HIP1: variants seen among roughly 807,000 people sequenced by gnomAD.
The protein encoded by HIP1 is huntingtin-interacting protein 1.
HIP1 carries 65 observed loss-of-function variants against 147.6 expected under a neutral mutation model. The observed-to-expected ratio is 0.44, with a 90% CI of 0.36 to 0.54. HIP1 has a LOEUF of 0.54. HIP1 is among the 20% of genes least tolerant of loss of function. The pLI, the probability that HIP1 is intolerant of heterozygous loss-of-function variation, is 0.00. For synonymous variants in HIP1, 479 were observed against 504.0 expected (o/e 0.95, Z 0.67); for missense variants, 1,061 against 1,299.6 (o/e 0.82, Z 2.82).
chr7:75,633,131 T>C (rs1798289354), intron 1 of HIP1, among the ~76,000 whole-genome samples: 1 of 152,046 alleles, frequency 6.6e-6, no homozygotes, highest in African/African-American at 2.4e-5. Flanking sequence ...GACCTGCACA[T>C]GTACCCCTGA....
chr7:75,719,428 C>T (rs186019075), intron 1 of HIP1, among the ~76,000 whole-genome samples: 30 of 150,884 alleles, frequency 2.0e-4, no homozygotes, highest in African/African-American at 6.8e-4. Flanking sequence ...GGCGGGAACC[C>T]GGAAGGTGGA....
At chr7:75,621,565 G>T (rs1584891028) in intron 1 of HIP1, among the ~76,000 whole-genome samples, 1 of 152,146 alleles carries the variant, frequency 6.6e-6, no homozygotes, top group Non-Finnish European at 1.5e-5. Flanking sequence ...TCCCTGGAAG[G>T]TTTTGAGCAA....
At chr7:75,611,050 T>C (rs1485017182) in intron 1 of HIP1, among the ~76,000 whole-genome samples, 4 of 149,516 alleles carry the variant, frequency 2.7e-5, no homozygotes, top group East Asian at 2.0e-4. Context: ...GGATTACAGG[T>C]GCCCGCCACC....
At chr7:75,697,888 C>G (rs958256100) in intron 1 of HIP1, among the ~76,000 whole-genome samples, 2 of 152,164 alleles carry the variant, frequency 1.3e-5, no homozygotes, top group African/African-American at 4.8e-5. Context: ...CTAAGTTATT[C>G]TAGGAAGAGC....
chr7:75,664,470 A>G (rs1799487787), intron 1 of HIP1, among the ~76,000 whole-genome samples: 1 of 109,716 alleles, frequency 9.1e-6, no homozygotes, highest in African/African-American at 4.3e-5. Flanking sequence ...GTGTGTGTGT[A>G]TACGTATACA....
intron 1 of HIP1, among the ~76,000 whole-genome samples, chr7:75,706,635 T>C (rs1801013459): frequency 7.1e-6 from 1 of 140,736 alleles, no homozygotes; most frequent in Admixed American, 6.9e-5. Flanking sequence ...TTTTTTTTTT[T>C]TTTTTTTTTA....
At chr7:75,558,636 G>C (rs1554493918) in intron 14 of HIP1, among the ~76,000 whole-genome samples, 1 of 152,156 alleles carries the variant, frequency 6.6e-6, no homozygotes, top group East Asian at 1.9e-4. Context: ...CTTTGATTTA[G>C]GAATGCATAT....
chr7:75,559,483 G>A (rs587775237), intron 14 of HIP1, among the ~76,000 whole-genome samples: 258 of 152,212 alleles, frequency 1.7e-3, no homozygotes, highest in Non-Finnish European at 3.0e-3. Context: ...CACTGCCCAG[G>A]GCAAGCACTT....
intron 5 of HIP1, 103 bp downstream of exon 5, chr7:75,586,650 G>T (rs1796296306): frequency 2.7e-6 from 2 of 749,572 alleles, no homozygotes; most frequent in Non-Finnish European, 2.4e-6. Flanking sequence ...AGAAGCCTGG[G>T]CTGTCTATTA....
At chr7:75,675,822 A>C (rs1232139856) in intron 1 of HIP1, among the ~76,000 whole-genome samples, 2 of 152,130 alleles carry the variant, frequency 1.3e-5, no homozygotes, top group South Asian at 4.1e-4. Context: ...CTACAAAAAA[A>C]TTTTAAAAAT....
chr7:75,539,500 T>C, intron 29 of HIP1, 69 bp from the exon 30 acceptor site: 1 of 1,280,736 alleles, frequency 7.8e-7, no homozygotes, highest in Non-Finnish European at 1.1e-6. Context: ...TTTATTTTTT[T>C]ATAGAGATGG....
intron 5 of HIP1, among the ~76,000 whole-genome samples, chr7:75,584,350 T>C (rs1731087524): frequency 6.6e-6 from 1 of 152,280 alleles, no homozygotes; most frequent in African/African-American, 2.4e-5. Flanking sequence ...AATGCTGGGA[T>C]TGCAGGTGTG....
In HIP1 at chr7:75,583,832, T is replaced by C. The variant is rs587621163; in HGVS notation, c.466-1681A>G. ...TAGTAGAGATGGGGTTTCGCCACAT[T>C]GGCCAGGCTGGTCTTGAACTCCTGA... On this transcript the variant is annotated intron_variant, in intron 5 of 30. Coordinates refer to ENST00000336926, the MANE Select transcript of HIP1 (RefSeq NM_005338.7). Among the ~76,000 whole-genome samples, 3 of 149,320 alleles carry C rather than the reference T, an allele frequency of 2.0e-5. No individual in the cohort carries two copies. In the Admixed American group the frequency reaches 2.0e-4, roughly 10 times the overall value.
At chr7:75,732,519 A>G (rs1801870078) in intron 1 of HIP1, among the ~76,000 whole-genome samples, 1 of 152,068 alleles carries the variant, frequency 6.6e-6, no homozygotes, top group African/African-American at 2.4e-5. Flanking sequence ...TACAGGCAGC[A>G]CCACCATGCC....
chr7:75,557,001 G>A (rs1276426474), intron 16 of HIP1, among the ~76,000 whole-genome samples, 190 bp from the exon 17 acceptor site: 1 of 146,262 alleles, frequency 6.8e-6, no homozygotes, highest in Non-Finnish European at 1.5e-5. Context: ...AATGTGGAAT[G>A]TCAAGGAAGG....
chr7:75,622,601 G>A (rs1005004639), intron 1 of HIP1, among the ~76,000 whole-genome samples: 6 of 152,052 alleles, frequency 3.9e-5, no homozygotes, highest in Admixed American at 6.6e-5. Flanking sequence ...GGATAGGAGG[G>A]AATCAGTGAT....
chr7:75,732,952 T>C (rs925665188), intron 1 of HIP1, among the ~76,000 whole-genome samples: 8 of 152,172 alleles, frequency 5.3e-5, no homozygotes, highest in African/African-American at 1.9e-4. Context: ...TCTGCCTCCC[T>C]GCTGACTCAC....
intron 1 of HIP1, among the ~76,000 whole-genome samples, chr7:75,720,643 G>A (rs576362363): frequency 7.2e-5 from 11 of 152,284 alleles, no homozygotes; most frequent in African/African-American, 1.4e-4. Flanking sequence ...AGGTTTAGTC[G>A]TTTGGGGCAC....
chr7:75,565,852 C>T lies in HIP1; in HGVS notation c.803+2347G>A, dbSNP rs868949104. On this transcript the variant is annotated intron_variant, in intron 9 of 30. Coordinates refer to ENST00000336926, the MANE Select transcript of HIP1 (RefSeq NM_005338.7). ...GTTCAAGCAATTCTCCTGCCTCAGC[C>T]TCCTGAGTAGCTGGGATTACAGGGC... Among the ~76,000 whole-genome samples, 66 of 146,206 alleles carry T rather than the reference C, an allele frequency of 4.5e-4. 1 individual carries two copies. Among genetic ancestry groups the T allele is most frequent in the African/African-American group, 1.7e-3 (61 of 36,010 alleles).
Sources: gnomAD v4.1 joint callset for allele counts (sites outside exome capture counted in the v4.1 genomes callset) on GRCh38, gnomAD v4.1.1 for gene constraint, MANE v1.5 for transcripts, NCBI Gene and HGNC (gene_info 2026-07-23, HGNC 2026-07-21) for gene names.